Variants in RGS22 observed in about 807,000 individuals in gnomAD.
RGS22 encodes the protein regulator of G protein signaling 22, also known as regulator of G-protein signaling 22.
A neutral mutation model predicts 172.9 loss-of-function variants in RGS22; 148 were observed. The observed-to-expected ratio is 0.86, with a 90% confidence interval of 0.75 to 0.98. The LOEUF is 0.98. Among genes scored for constraint, RGS22 ranks in the 50% least tolerant of loss-of-function variants. The pLI is 0.00. For synonymous variants in RGS22, 458 were observed against 480.2 expected (o/e 0.95, Z 0.60); for missense variants, 1,347 against 1,440.8 (o/e 0.93, Z 1.05).
intron 10 of RGS22, 140 bp from the exon 11 acceptor site, chr8:100,047,736 A>G (rs1396614712): frequency 1.4e-6 from 1 of 699,282 alleles, no homozygotes; most frequent in African/African-American, 1.9e-5. Flanking sequence ...TAAAATAGAA[A>G]TTTTTTCTTT....
chr8:100,000,548 G>A (rs908786480), intron 18 of RGS22, among the ~76,000 whole-genome samples: 1 of 152,134 alleles, frequency 6.6e-6, no homozygotes, highest in African/African-American at 2.4e-5. Flanking sequence ...GATCATTGGG[G>A]AAAATCCTCT....
chr8:100,067,914 C>T (rs574127346), intron 6 of RGS22, among the ~76,000 whole-genome samples: 20 of 152,082 alleles, frequency 1.3e-4, no homozygotes, highest in Non-Finnish European at 2.5e-4. Flanking sequence ...TGAGCCACCG[C>T]GCCCGGCCTA....
intron 14 of RGS22, among the ~76,000 whole-genome samples, chr8:100,014,094 GA>G (rs1816700832): frequency 6.6e-6 from 1 of 152,084 alleles, no homozygotes; most frequent in South Asian, 2.1e-4. Context: ...ACATAACTGG[GA>G]AAAACCACTG....
intron 3 of RGS22, among the ~76,000 whole-genome samples, chr8:100,086,373 T>C (rs1450235380): frequency 6.6e-6 from 1 of 152,124 alleles, no homozygotes; most frequent in Non-Finnish European, 1.5e-5. Flanking sequence ...ATGATTCTCA[T>C]AGGGTGGTTC....
intron 1 of RGS22, 130 bp from the exon 2 acceptor site, chr8:100,105,532 C>G (rs1813865761): frequency 1.3e-6 from 1 of 774,686 alleles, no homozygotes. Context: ...GCCCTCTGTT[C>G]ATTCTCTGTA....
chr8:100,081,456 A>G (rs1033121798), intron 3 of RGS22, among the ~76,000 whole-genome samples: 1 of 151,524 alleles, frequency 6.6e-6, no homozygotes, highest in Non-Finnish European at 1.5e-5. Context: ...TTTAAAGTAC[A>G]TGGATGATAC....
In RGS22 at chr8:99,962,331, T is replaced by C; in HGVS notation, c.*45+63A>G. The C allele has an allele frequency of 3.0e-6, 3 of 997,344 alleles. No homozygotes were observed. The South Asian group carries it at 4.0e-5, about 13-fold the overall frequency. 61.8% of individuals were successfully genotyped at this position (997,344 alleles called of 1,614,324 possible). On this transcript the variant is annotated intron_variant, in intron 27 of 27. Transcript: ENST00000360863. ...TGCTGTGTGTGTGCATGCGTGCATGTACATGAATGAGTGTATTACGAGGAC... is the reference window on the plus strand; with the variant it reads ...TGCTGTGTGTGTGCATGCGTGCATGCACATGAATGAGTGTATTACGAGGAC...
At chr8:100,040,840 C>A (rs1820020515) in intron 12 of RGS22, among the ~76,000 whole-genome samples, 2 of 152,098 alleles carry the variant, frequency 1.3e-5, no homozygotes, top group South Asian at 4.1e-4. Context: ...GTAAGGTTCT[C>A]ACTCTCTTTT....
At chr8:100,031,853 G>A (rs945913828) in intron 14 of RGS22, among the ~76,000 whole-genome samples, 5 of 152,018 alleles carry the variant, frequency 3.3e-5, no homozygotes, top group African/African-American at 4.8e-5. Context: ...AGACAGTGGG[G>A]GCCAATATTC....
At chr8:100,062,820 T>C (rs1810253078) in intron 8 of RGS22, 68 bp from the exon 9 acceptor site, 10 of 1,262,736 alleles carry the variant, frequency 7.9e-6, no homozygotes, top group Non-Finnish European at 1.1e-5. Flanking sequence ...CAAAATGTAG[T>C]TGAATATTCA....
intron 14 of RGS22, among the ~76,000 whole-genome samples, chr8:100,023,080 G>C (rs1386038756): frequency 1.3e-5 from 2 of 152,230 alleles, no homozygotes; most frequent in East Asian, 3.9e-4. Context: ...TCACCAGTAT[G>C]ATAATCTATG....
At chr8:99,969,070 A>G (rs1261137848) in intron 23 of RGS22, among the ~76,000 whole-genome samples, 1 of 152,170 alleles carries the variant, frequency 6.6e-6, no homozygotes, top group African/African-American at 2.4e-5. Flanking sequence ...TAAGCCAGGA[A>G]AGAGTTGGGG....
At chr8:99,973,445 A>G (rs1811587374) in intron 23 of RGS22, among the ~76,000 whole-genome samples, 1 of 152,158 alleles carries the variant, frequency 6.6e-6, no homozygotes, top group Non-Finnish European at 1.5e-5. Flanking sequence ...GTTCTCACTC[A>G]TAAATGGGAG....
intron 19 of RGS22, among the ~76,000 whole-genome samples, chr8:99,998,999 AT>A (rs966314705): frequency 6.6e-6 from 1 of 151,946 alleles, no homozygotes; most frequent in African/African-American, 2.4e-5. Flanking sequence ...CTTCAAAAAA[AT>A]TTTTTTCAAT....
Position 100,072,131 on chromosome 8 carries a change from T to C in RGS22, c.425+14A>G, listed in dbSNP as rs1289334981. 2.0e-6 allele frequency: 3 copies of C among 1,480,818 alleles called. No homozygotes were observed. Among genetic ancestry groups the C allele is most frequent in the Middle Eastern group, 1.8e-4 (1 of 5,548 alleles). The allele number at this position is 1,480,818 out of a possible 1,614,324, so 91.7% of individuals were successfully genotyped here. On this transcript the variant is annotated intron_variant, in intron 5 of 27. Coordinates refer to ENST00000360863, the MANE Select transcript of RGS22 (RefSeq NM_015668.5). ...ATGTATTTAAAAATACATATATTGATGGGACTATAGTACCTGTATTCAAAG... is the reference window on the plus strand; with the variant it reads ...ATGTATTTAAAAATACATATATTGACGGGACTATAGTACCTGTATTCAAAG...
At chr8:99,978,498 T>C (rs1363302339) in intron 22 of RGS22, among the ~76,000 whole-genome samples, 3 of 152,176 alleles carry the variant, frequency 2.0e-5, no homozygotes, top group Admixed American at 6.5e-5. Context: ...CTCTTTTCTT[T>C]CTTTTAGAGA....
intron 6 of RGS22, among the ~76,000 whole-genome samples, chr8:100,067,051 A>G (rs922692858): frequency 1.3e-5 from 2 of 152,132 alleles, no homozygotes; most frequent in African/African-American, 2.4e-5. Context: ...TATTTTTACT[A>G]GAGAATCCAA....
At chr8:100,008,004 A>AT (rs1815912771) in intron 15 of RGS22, among the ~76,000 whole-genome samples, 2 of 151,168 alleles carry the variant, frequency 1.3e-5, no homozygotes, top group African/African-American at 2.4e-5. Flanking sequence ...AAACCTAACA[A>AT]TTTTTTATTT....
At chr8:100,028,550 A>G (rs540968757) in intron 14 of RGS22, among the ~76,000 whole-genome samples, 1 of 152,040 alleles carries the variant, frequency 6.6e-6, no homozygotes, top group African/African-American at 2.4e-5. Flanking sequence ...AGAATTTGGT[A>G]TCGTGAGTTT....
Sources: gnomAD v4.1 joint callset for allele counts (sites outside exome capture counted in the v4.1 genomes callset) on GRCh38, gnomAD v4.1.1 for gene constraint, MANE v1.5 for transcripts, NCBI Gene and HGNC (gene_info 2026-07-23, HGNC 2026-07-21) for gene names.